The following C10orf90 variants were observed in gnomAD, a reference collection of about 807,000 sequenced individuals.
C10orf90 encodes the protein (E2-independent) E3 ubiquitin-conjugating enzyme FATS.
A neutral mutation model predicts 62.5 loss-of-function variants in C10orf90; 56 were observed. That is an observed-to-expected ratio of 0.90 (90% CI 0.72 to 1.12). The LOEUF is 1.12. Among genes scored for constraint, C10orf90 ranks in the 50% most tolerant of loss-of-function variants. The pLI is 0.00. For synonymous variants in C10orf90, 386 were observed against 340.4 expected (o/e 1.13, Z -1.47); for missense variants, 970 against 880.4 (o/e 1.10, Z -1.29).
chr10:126,469,414 T>A (rs967547487), intron 4 of C10orf90, among the ~76,000 whole-genome samples: 6 of 152,108 alleles, frequency 3.9e-5, no homozygotes, highest in Non-Finnish European at 8.8e-5. Flanking sequence ...CAAAAAGACC[T>A]CTCTGAACAA....
At chr10:126,513,786 G>T in intron 3 of C10orf90, 62 bp downstream of exon 3, 4 of 1,043,982 alleles carry the variant, frequency 3.8e-6, no homozygotes, top group Non-Finnish European at 6.0e-6. Flanking sequence ...GTAGGTCAGT[G>T]ATTATATTTT....
intron 2 of C10orf90, among the ~76,000 whole-genome samples, chr10:126,558,228 T>C (rs923644813): frequency 2.6e-5 from 4 of 152,170 alleles, no homozygotes; most frequent in African/African-American, 4.8e-5. Flanking sequence ...TCATTACTGG[T>C]GAAACTAGAC....
intron 2 of C10orf90, among the ~76,000 whole-genome samples, chr10:126,553,022 T>C (rs754495004): frequency 6.6e-6 from 1 of 152,052 alleles, no homozygotes; most frequent in African/African-American, 2.4e-5. Flanking sequence ...CACTTCCACA[T>C]AAATAATAGA....
At chr10:126,430,180 A>G (rs1448338503) in intron 7 of C10orf90, among the ~76,000 whole-genome samples, 1 of 152,002 alleles carries the variant, frequency 6.6e-6, no homozygotes, top group East Asian at 1.9e-4. Flanking sequence ...AGCTCATTCC[A>G]CCCATAGAGA....
At chr10:126,581,622 G>A (rs1239454343) in intron 2 of C10orf90, among the ~76,000 whole-genome samples, 1 of 152,172 alleles carries the variant, frequency 6.6e-6, no homozygotes, top group African/African-American at 2.4e-5. Flanking sequence ...ACTGATGTCT[G>A]GAGCCAAGCT....
At chr10:126,642,359 C>T (rs868431787) in intron 2 of C10orf90, among the ~76,000 whole-genome samples, 27 of 152,082 alleles carry the variant, frequency 1.8e-4, no homozygotes, top group Non-Finnish European at 3.4e-4. Flanking sequence ...GGTGAAACCC[C>T]GTCTCTACTA....
intron 2 of C10orf90, among the ~76,000 whole-genome samples, chr10:126,602,235 C>T (rs1591134587): frequency 1.3e-5 from 2 of 152,304 alleles, no homozygotes; most frequent in Non-Finnish European, 1.5e-5. Flanking sequence ...AAGCTTTGAG[C>T]TACAATAGGG....
chr10:126,488,930 T>C (rs188506675), intron 4 of C10orf90, among the ~76,000 whole-genome samples: 1 of 152,056 alleles, frequency 6.6e-6, no homozygotes, highest in Admixed American at 6.6e-5. Flanking sequence ...GCCAGATGAC[T>C]TCATGGGTGA....
chr10:126,564,843 T>TAAAA (rs369087080), intron 2 of C10orf90, among the ~76,000 whole-genome samples: 1 of 3,570 alleles, frequency 2.8e-4, no homozygotes, highest in African/African-American at 8.9e-4. Flanking sequence ...TATATATATA[T>TAAAA]TATATATTAT....
chr10:126,654,924 G>C (rs1302955317), intron 1 of C10orf90, among the ~76,000 whole-genome samples: 2 of 152,204 alleles, frequency 1.3e-5, no homozygotes, highest in Non-Finnish European at 2.9e-5. Flanking sequence ...TAGGGCTTAA[G>C]AGAGGGAGAG....
At position 126,456,753 on chromosome 10, in the gene C10orf90, C is replaced by G. The variant is rs146355366; in HGVS notation, c.2188+2287G>C. On this transcript the variant is annotated intron_variant, in intron 7 of 9. Coordinates refer to ENST00000488181, the MANE Select transcript of C10orf90 (RefSeq NM_001350921.2). This position sits in a 1 kb window ranked among gnomAD's most constrained non-coding sequence, Gnocchi z 4.9. The stretch of plus-strand genomic sequence containing the variant: ...GGAAATTTGAACATAGAGACACAGA[C>G]GCAGGGAGGATGGCCATGTGGAGAC... Among the ~76,000 whole-genome samples the G allele has an allele frequency of 1.3e-5, 2 of 152,032 alleles. No individual in the cohort carries two copies. Among genetic ancestry groups the G allele is most frequent in the Non-Finnish European group, 2.9e-5 (2 of 68,008 alleles).
chr10:126,504,686 T>G lies in C10orf90; in HGVS notation c.805A>C (p.Thr269Pro). 1 of 1,613,816 alleles carries G rather than the reference T, an allele frequency of 6.2e-7. No individual in the cohort carries two copies. The highest frequency in any genetic ancestry group is 8.5e-7 in the Non-Finnish European group (1 of 1,179,846). The change falls in exon 4 of 10, where the codon ACA (threonine) becomes CCA (proline). Residue 269 changes from threonine (T) to proline (P), a missense_variant. Thr to Pro is a conservative substitution (Grantham distance 38). Coordinates refer to ENST00000488181, the MANE Select transcript of C10orf90 (RefSeq NM_001350921.2). This position sits in a 1 kb window ranked among gnomAD's most constrained non-coding sequence, Gnocchi z 4.1. Reference sequence around the variant, plus strand: ...AGAGCCGGGGGCGCCTGGAACAGTGTGTCCTCAGCCCTGCACTTGGGGCAC... The same window carrying G: ...AGAGCCGGGGGCGCCTGGAACAGTGGGTCCTCAGCCCTGCACTTGGGGCAC... ...SLCPKCRAED[T>P]LFQAPPALAN... is the part of the protein sequence containing the mutation.
chr10:126,604,116 A>G (rs1845257416), intron 2 of C10orf90, among the ~76,000 whole-genome samples: 1 of 152,072 alleles, frequency 6.6e-6, no homozygotes, highest in African/African-American at 2.4e-5. Flanking sequence ...CCTTCCACCC[A>G]CCTTGACAGG....
rs544652653 is a variant in C10orf90 at position 126,564,666 on chromosome 10, C to A, written c.314-50727G>T. 2.3e-3 allele frequency among the ~76,000 whole-genome samples: 346 copies of A among 147,680 alleles called. 2 individuals carry two copies. Among genetic ancestry groups the A allele is most frequent in the Non-Finnish European group, 3.2e-3 (214 of 67,564 alleles). On this transcript the variant is annotated intron_variant, in intron 2 of 9. Coordinates refer to ENST00000488181, the MANE Select transcript of C10orf90 (RefSeq NM_001350921.2). The stretch of plus-strand genomic sequence containing the variant: ...GCCTTGCTCCACAGCCACCCAGACA[C>A]ACGACTGGCTTTGGGCTTCCTTCTC...
intron 2 of C10orf90, among the ~76,000 whole-genome samples, chr10:126,585,655 G>A (rs1380822409): frequency 6.6e-6 from 1 of 152,160 alleles, no homozygotes; most frequent in Non-Finnish European, 1.5e-5. Flanking sequence ...GATTCAGCAT[G>A]TATGAGTCAA....
chr10:126,537,496 G>T (rs956682195), intron 2 of C10orf90, among the ~76,000 whole-genome samples: 1 of 152,194 alleles, frequency 6.6e-6, no homozygotes, highest in South Asian at 2.1e-4. Flanking sequence ...GTAAAGAGCT[G>T]CCCGGGGAGT....
intron 2 of C10orf90, chr10:126,522,765 A>G (rs1278782813): frequency 6.6e-6 from 1 of 152,226 alleles, no homozygotes; most frequent in African/African-American, 2.4e-5. Context: ...CGAGTTTGCA[A>G]TATGAATAAT....
At chr10:126,490,460 T>A (rs1186203082) in intron 4 of C10orf90, among the ~76,000 whole-genome samples, 1 of 151,538 alleles carries the variant, frequency 6.6e-6, no homozygotes, top group Non-Finnish European at 1.5e-5. Context: ...GTTTAATGGA[T>A]GTATGGGTGG....
At chr10:126,573,732 G>T (rs939502060) in intron 2 of C10orf90, among the ~76,000 whole-genome samples, 12 of 152,198 alleles carry the variant, frequency 7.9e-5, no homozygotes, top group Non-Finnish European at 2.9e-5. Flanking sequence ...AGCTGAGAGG[G>T]TGCTGTTGTT....
Sources: allele counts gnomAD v4.1 joint callset (sites outside exome capture counted in the v4.1 genomes callset), GRCh38; gene constraint gnomAD v4.1.1; non-coding constraint Gnocchi (gnomAD v3.1); transcripts MANE v1.5; gene names NCBI Gene and HGNC (gene_info 2026-07-23, HGNC 2026-07-21).